The following COL18A1 variants were observed in gnomAD, a reference collection of about 807,000 sequenced individuals.
COL18A1 encodes collagen type XVIII alpha 1 chain, also known as collagen alpha-1(XVIII) chain.
Under a neutral mutation model 168.0 loss-of-function variants are expected in COL18A1, and 133 were observed. The observed-to-expected ratio is 0.79, with a 90% CI of 0.69 to 0.91. The LOEUF is 0.91. COL18A1 is among the 40% of genes least tolerant of loss of function. The pLI is 0.00. For synonymous variants in COL18A1, 949 were observed against 809.0 expected (o/e 1.17, Z -2.94); for missense variants, 2,126 against 1,925.4 (o/e 1.10, Z -1.95).
rs2035117576 is a variant in COL18A1 at position 45,463,845 on chromosome 21, T to G, written c.107-4397T>G. On this transcript the variant is annotated intron_variant, in intron 2 of 41. Coordinates refer to ENST00000651438, the MANE Select transcript of COL18A1 (RefSeq NM_001379500.1). The surrounding 1 kb of genome is among the most constrained non-coding windows in gnomAD (Gnocchi z 4.0). The stretch of plus-strand genomic sequence containing the variant: ...CTGGGAGGTGGAGGTTGTGGTGAGC[T>G]GAGATTGCACCACTGTACTCCAGCC... Among the ~76,000 whole-genome samples the G allele has an allele frequency of 6.6e-6, 1 of 151,392 alleles. No homozygotes were observed. Among genetic ancestry groups the G allele is most frequent in the African/African-American group, 2.4e-5 (1 of 41,142 alleles).
At chr21:45,411,991 G>A (rs1453786754) in intron 2 of COL18A1, among the ~76,000 whole-genome samples, 2 of 152,124 alleles carry the variant, frequency 1.3e-5, no homozygotes, top group African/African-American at 4.8e-5. Context: ...AGGGGCCGTC[G>A]TGTTTCTCTG....
chr21:45,509,696 C>T lies in COL18A1; in HGVS notation c.3495+95C>T, dbSNP rs975891827. ...GCCCCTGCAGAGCTGCTGGGGGTCC[C>T]AGGCTTCGGCCATGGGTGGGGGTCT... On this transcript the variant is annotated intron_variant, in intron 39 of 41. Coordinates refer to ENST00000651438, the MANE Select transcript of COL18A1 (RefSeq NM_001379500.1). 1.4e-5 allele frequency: 11 copies of T among 794,692 alleles called. No homozygotes were observed. In the East Asian group the frequency reaches 2.1e-4, roughly 15 times the overall value. 49.2% of individuals were successfully genotyped at this position (794,692 alleles called of 1,614,324 possible). A position where few individuals can be genotyped will look rare whatever the true frequency, so the allele number is the denominator to read the frequency against.
chr21:45,491,469 A>AGG (rs71185155), intron 22 of COL18A1, among the ~76,000 whole-genome samples, 155 bp downstream of exon 22: 7 of 148,814 alleles, frequency 4.7e-5, no homozygotes, highest in African/African-American at 1.8e-4. Flanking sequence ...GGGGCTGCAG[A>AGG]CGCCCTCGGT....
rs749089143 is a variant in COL18A1, at chr21:45,476,391, T to A, written c.839T>A (p.Val280Asp). 4.4e-5 allele frequency: 71 copies of A among 1,613,962 alleles called. No homozygotes were observed. Among genetic ancestry groups the A allele is most frequent in the Non-Finnish European group, 5.9e-5 (70 of 1,180,016 alleles). ...LKPRLPAPPPVTTPPLAGGSS... is the reference protein window; with the variant it reads ...LKPRLPAPPPDTTPPLAGGSS... The stretch of plus-strand genomic sequence containing the variant: ...CCCAGGCTCCCCGCGCCACCCCCCG[T>A]CACCACGCCACCCTTGGCTGGAGGC... Residue 280 changes from valine (V) to aspartate (D), a missense_variant, in exon 6 of 42, where the codon GTC (valine) becomes GAC (aspartate). Coordinates refer to ENST00000651438, the MANE Select transcript of COL18A1 (RefSeq NM_001379500.1).
At chr21:45,410,295 T>C (rs1207551098) in intron 2 of COL18A1, among the ~76,000 whole-genome samples, 2 of 152,192 alleles carry the variant, frequency 1.3e-5, no homozygotes, top group African/African-American at 4.8e-5. Context: ...AGGAGCCTTG[T>C]GATGGGCAGG....
chr21:45,487,487 C>A lies in COL18A1; in HGVS notation c.1874C>A (p.Ala625Asp). ...TCCGGGGGGCCCTTCTGGTCAACAG[C>A]CCGAAGCGCTGATGGGCCACAGGTA... ...EGSGGPFWSTARSADGPQGPP... is the reference protein window; with the variant it reads ...EGSGGPFWSTDRSADGPQGPP... The change falls in exon 17 of 42, where the codon GCC becomes GAC. Residue 625 changes from alanine (A) to aspartate (D), a missense_variant. Coordinates refer to ENST00000651438, the MANE Select transcript of COL18A1 (RefSeq NM_001379500.1). The A allele has an allele frequency of 6.2e-7, 1 of 1,613,100 alleles. No homozygotes were observed. The highest frequency in any genetic ancestry group is 1.1e-5 in the South Asian group (1 of 91,076).
At chr21:45,450,937 C>T (rs527970603) in intron 2 of COL18A1, among the ~76,000 whole-genome samples, 5 of 152,240 alleles carry the variant, frequency 3.3e-5, no homozygotes, top group Non-Finnish European at 5.9e-5. Flanking sequence ...CATGGTGGGA[C>T]AGCACCCCCG....
intron 2 of COL18A1, among the ~76,000 whole-genome samples, chr21:45,434,663 C>T (rs757469942): frequency 3.9e-5 from 6 of 152,230 alleles, no homozygotes; most frequent in Non-Finnish European, 8.8e-5. Context: ...TGCATCTGGA[C>T]GTTCCACTTC....
At chr21:45,406,557 G>C (rs2033115785) in intron 2 of COL18A1, among the ~76,000 whole-genome samples, 1 of 152,154 alleles carries the variant, frequency 6.6e-6, no homozygotes, top group African/African-American at 2.4e-5. Context: ...GGTGAAACAC[G>C]GGCGGAGAGC....
chr21:45,510,563 A>G (rs550399755), intron 40 of COL18A1, among the ~76,000 whole-genome samples: 2 of 152,170 alleles, frequency 1.3e-5, no homozygotes, highest in Admixed American at 6.5e-5. Flanking sequence ...TGCTGGACCA[A>G]GTGTCCACAC....
intron 30 of COL18A1, 54 bp downstream of exon 30, chr21:45,496,622 G>C: frequency 1.2e-6 from 1 of 865,544 alleles, no homozygotes; most frequent in Non-Finnish European, 2.0e-6. Context: ...GTCACACAGA[G>C]CCCCACAGAG....
chr21:45,452,851 A>G (rs1023918633), intron 2 of COL18A1, among the ~76,000 whole-genome samples: 5 of 146,904 alleles, frequency 3.4e-5, no homozygotes, highest in South Asian at 2.1e-4. Context: ...ACATGTATGT[A>G]TGTGTGGGGC....
Position 45,468,573 on chromosome 21 carries a change from G to A in COL18A1, c.438G>A (p.Gln146=). 6.2e-7 allele frequency: 1 copy of A among 1,613,574 alleles called. No homozygotes were observed. Among genetic ancestry groups the A allele is most frequent in the Non-Finnish European group, 8.5e-7 (1 of 1,180,014 alleles). ...TCTACACAGAACCAGGTGCAGGCCA[G>A]ACCCACACAGCCGCCAGCTTCCGGC... ...SLLYTEPGAG[Q]THTAASFRLP... The change falls in exon 3 of 42, where the codon CAG becomes CAA. Residue 146 remains glutamine, a synonymous_variant. Transcript: ENST00000651438.
intron 2 of COL18A1, among the ~76,000 whole-genome samples, chr21:45,427,053 T>G (rs1004001805): frequency 3.3e-5 from 5 of 152,184 alleles, no homozygotes. Context: ...CTCACACTTC[T>G]GGAAGGCGAT....
Position 45,497,106 on chromosome 21 carries a change from G to C in COL18A1, c.2620+14G>C, listed in dbSNP as rs1481829268. 1 of 1,540,010 alleles carries C rather than the reference G, an allele frequency of 6.5e-7. No individual in the cohort carries two copies. The highest frequency in any genetic ancestry group is 8.9e-7 in the Non-Finnish European group (1 of 1,122,678). ...CAGGATTGCCAGGTGAGGGTCCTGG[G>C]CTCACAGCTGGGGACACAGGCTCTG... On this transcript the variant is annotated intron_variant, in intron 31 of 41. Transcript: ENST00000651438.
In COL18A1 at chr21:45,492,130, G is replaced by A. The variant is rs539155407; in HGVS notation, c.2158-405G>A. 5.9e-5 allele frequency among the ~76,000 whole-genome samples: 9 copies of A among 152,292 alleles called. No individual in the cohort carries two copies. The East Asian group carries it at 9.7e-4, about 16-fold the overall frequency. On this transcript the variant is annotated intron_variant, in intron 22 of 41. Coordinates refer to ENST00000651438, the MANE Select transcript of COL18A1 (RefSeq NM_001379500.1). The stretch of plus-strand genomic sequence containing the variant: ...GGCAGGAGAGGGCTTGCCCCAGCAC[G>A]GCTTTGCTAGGAGCAGGCAGACAGG...
In COL18A1 at chr21:45,486,775, C is replaced by A. The variant is rs1028092115; in HGVS notation, c.1702-86C>A. The A allele has an allele frequency of 1.4e-5, 20 of 1,407,978 alleles. No individual in the cohort carries two copies. In the African/African-American group the frequency reaches 2.9e-4, roughly 20 times the overall value. The allele number at this position is 1,407,978 out of a possible 1,614,324, so 87.2% of individuals were successfully genotyped here. A position where few individuals can be genotyped will look rare whatever the true frequency, so the allele number is the denominator to read the frequency against. On this transcript the variant is annotated intron_variant, in intron 15 of 41. Coordinates refer to ENST00000651438, the MANE Select transcript of COL18A1 (RefSeq NM_001379500.1). Reference sequence around the variant, plus strand: ...CTTTTGATTTGCAGGGTTTAGAAAGCATCATAAGAAAACGTGTCTACGCTG... The same window carrying A: ...CTTTTGATTTGCAGGGTTTAGAAAGAATCATAAGAAAACGTGTCTACGCTG...
At position 45,410,776 on chromosome 21, in the gene COL18A1, T is replaced by C. The variant is rs553386209; in HGVS notation, c.106+5303T>C. On this transcript the variant is annotated intron_variant, in intron 2 of 41. Coordinates refer to ENST00000651438, the MANE Select transcript of COL18A1 (RefSeq NM_001379500.1). ...GGGGCAGGAGAGGCACTGTCTGTTTTGGGGTGACGTGAGCTGATGGGAAAG... is the reference window on the plus strand; with the variant it reads ...GGGGCAGGAGAGGCACTGTCTGTTTCGGGGTGACGTGAGCTGATGGGAAAG... Among the ~76,000 whole-genome samples, 3 of 152,242 alleles carry C rather than the reference T, an allele frequency of 2.0e-5. No homozygotes were observed. In the South Asian group the frequency reaches 6.2e-4, roughly 32 times the overall value.
rs543663492 is a variant in COL18A1 at position 45,418,797 on chromosome 21, G to A, written c.106+13324G>A. Among the ~76,000 whole-genome samples, 50 of 152,326 alleles carry A rather than the reference G, an allele frequency of 3.3e-4. 1 individual carries two copies. The highest frequency in any genetic ancestry group is 8.9e-4 in the African/African-American group (37 of 41,578). On this transcript the variant is annotated intron_variant, in intron 2 of 41. Transcript: ENST00000651438. ...GTCTCTGCTTTAGCGTTGGGTTCCC[G>A]GGTCCCTCCCACCCCGACCTCCTGT...
Sources: allele counts gnomAD v4.1 joint callset (sites outside exome capture counted in the v4.1 genomes callset), GRCh38; gene constraint gnomAD v4.1.1; non-coding constraint Gnocchi (gnomAD v3.1); transcripts MANE v1.5; gene names NCBI Gene and HGNC (gene_info 2026-07-23, HGNC 2026-07-21).